Variants in TENM3 observed in about 807,000 individuals in gnomAD.
The protein encoded by TENM3 is teneurin-3.
Under a neutral mutation model 255.1 loss-of-function variants are expected in TENM3, and 63 were observed. That is an observed-to-expected ratio of 0.25 (90% CI 0.20 to 0.30). TENM3 has a LOEUF of 0.30. Ranked by LOEUF, TENM3 falls within the 10% of genes least tolerant of loss-of-function variation. The pLI is 1.00. For missense variants in TENM3, 2,929 were observed against 3,461.1 expected (o/e 0.85, Z 3.86); for synonymous variants, 1,306 against 1,322.3 (o/e 0.99, Z 0.27).
intron 3 of TENM3, among the ~76,000 whole-genome samples, chr4:182,559,258 A>C (rs1410692439): frequency 6.6e-6 from 1 of 151,832 alleles, no homozygotes; most frequent in Non-Finnish European, 1.5e-5. Context: ...AATCCTGAGA[A>C]CAGTACAATG....
chr4:181,522,936 A>G, the TENM3 span: 1 of 779,378 alleles, frequency 1.3e-6, no homozygotes, highest in Admixed American at 1.8e-5. Flanking sequence ...CAGAAAGAAG[A>G]GAATGGCAAA....
chr4:182,377,718 T>G (rs757716233), intron 3 of TENM3, among the ~76,000 whole-genome samples: 9 of 152,182 alleles, frequency 5.9e-5, no homozygotes, highest in Non-Finnish European at 1.2e-4. Context: ...ATGATATTGT[T>G]TATATGATTT....
At chr4:182,722,810 G>A (rs1759850500) in intron 13 of TENM3, among the ~76,000 whole-genome samples, 1 of 152,178 alleles carries the variant, frequency 6.6e-6, no homozygotes, top group African/African-American at 2.4e-5. Context: ...GAGGACCATG[G>A]TGGCCTGATG....
At chr4:181,688,337 A>T in the TENM3 span, among the ~76,000 whole-genome samples, 2 of 152,208 alleles carry the variant, frequency 1.3e-5, no homozygotes, top group Non-Finnish European at 1.5e-5. Flanking sequence ...TTTCAGTTCT[A>T]CTTAGTTCAC....
At chr4:182,192,910 G>A (rs1753609667) in intron 1 of TENM3, among the ~76,000 whole-genome samples, 1 of 152,144 alleles carries the variant, frequency 6.6e-6, no homozygotes, top group African/African-American at 2.4e-5. Context: ...TTCTGTCTGT[G>A]GCTAGAAAAA....
the TENM3 span, among the ~76,000 whole-genome samples, chr4:181,731,831 A>C: frequency 6.6e-6 from 1 of 152,354 alleles, no homozygotes; most frequent in African/African-American, 2.4e-5. Flanking sequence ...TTAACAAAGC[A>C]GTTAAGAGAC....
At chr4:181,834,045 T>C in the TENM3 span, among the ~76,000 whole-genome samples, 6 of 152,072 alleles carry the variant, frequency 3.9e-5, no homozygotes, top group African/African-American at 7.2e-5. Flanking sequence ...GTATTCTCCA[T>C]TGACGTGCAT....
At chr4:182,623,823 C>T (rs998635953) in intron 4 of TENM3, among the ~76,000 whole-genome samples, 1 of 151,900 alleles carries the variant, frequency 6.6e-6, no homozygotes, top group East Asian at 1.9e-4. Flanking sequence ...GGGTCGCCTT[C>T]GTTCCTATCC....
chr4:182,357,234 G>A (rs1464847142), intron 3 of TENM3, among the ~76,000 whole-genome samples: 5 of 151,796 alleles, frequency 3.3e-5, no homozygotes, highest in Non-Finnish European at 7.4e-5. Flanking sequence ...TATATACCCA[G>A]TAATGGGATG....
chr4:181,456,792 A>C, the TENM3 span, among the ~76,000 whole-genome samples: 3 of 152,078 alleles, frequency 2.0e-5, no homozygotes, highest in East Asian at 5.8e-4. Flanking sequence ...ATGTACTAGA[A>C]ATTTTTACAT....
intron 3 of TENM3, among the ~76,000 whole-genome samples, chr4:182,517,576 G>A (rs1738122127): frequency 7.2e-6 from 1 of 139,480 alleles, no homozygotes; most frequent in South Asian, 2.2e-4. Flanking sequence ...GTAGAGACGG[G>A]GTTTCACCGT....
At chr4:182,602,118 C>T (rs1206086978) in intron 4 of TENM3, among the ~76,000 whole-genome samples, 1 of 152,232 alleles carries the variant, frequency 6.6e-6, no homozygotes, top group East Asian at 1.9e-4. Context: ...GCGTAACAGT[C>T]ACTGTCTCCT....
the TENM3 span, among the ~76,000 whole-genome samples, chr4:181,992,139 A>G: frequency 6.6e-6 from 1 of 152,142 alleles, no homozygotes; most frequent in Non-Finnish European, 1.5e-5. Flanking sequence ...GTGCTTCTTC[A>G]CTTTATTAAG....
the TENM3 span, among the ~76,000 whole-genome samples, chr4:181,768,105 A>T: frequency 6.6e-6 from 1 of 152,236 alleles, no homozygotes; most frequent in Non-Finnish European, 1.5e-5. Flanking sequence ...AGTCAATCTG[A>T]AAAGTATTTA....
chr4:181,768,335 G>A, the TENM3 span, among the ~76,000 whole-genome samples: 1 of 152,220 alleles, frequency 6.6e-6, no homozygotes, highest in East Asian at 1.9e-4. Flanking sequence ...AAAATTCACC[G>A]GACAGCTCCT....
At chr4:181,849,949 T>TCTCTCTCTCTCA in the TENM3 span, among the ~76,000 whole-genome samples, 130 of 65,950 alleles carry the variant, frequency 2.0e-3, 1 homozygote, top group African/African-American at 4.6e-3. Context: ...TCTCTCTCTC[T>TCTCTCTCTCTCA]CACACACACA....
At chr4:182,702,807 G>A (rs986019407) in intron 12 of TENM3, among the ~76,000 whole-genome samples, 1 of 151,212 alleles carries the variant, frequency 6.6e-6, no homozygotes, top group African/African-American at 2.4e-5. Flanking sequence ...GTGCGATCTC[G>A]GCTCACTGCA....
At chr4:182,337,085 A>C (rs529091781) in intron 2 of TENM3, among the ~76,000 whole-genome samples, 1 of 152,344 alleles carries the variant, frequency 6.6e-6, no homozygotes, top group African/African-American at 2.4e-5. Context: ...AGTTTCTATT[A>C]GAAAACCGCA....
At chr4:181,487,490 A>G in the TENM3 span, among the ~76,000 whole-genome samples, 1 of 152,324 alleles carries the variant, frequency 6.6e-6, no homozygotes, top group South Asian at 2.1e-4. Context: ...AACAGGCAGT[A>G]TCTTTTTACT....
Sources: allele counts gnomAD v4.1 joint callset (sites outside exome capture counted in the v4.1 genomes callset), GRCh38; gene constraint gnomAD v4.1.1; transcripts MANE v1.5; gene names NCBI Gene and HGNC (gene_info 2026-07-23, HGNC 2026-07-21).